Variants in DIAPH2 observed in about 807,000 individuals in gnomAD.
The protein encoded by DIAPH2 is diaphanous related formin 2.
A neutral mutation model predicts 92.7 loss-of-function variants in DIAPH2; 35 were observed. The ratio of observed to expected loss-of-function variants is 0.38; its 90% CI spans 0.29 to 0.50. The LOEUF is 0.50. Among genes scored for constraint, DIAPH2 ranks in the 20% least tolerant of loss-of-function variants. The pLI, the probability that DIAPH2 is intolerant of heterozygous loss-of-function variation, is 0.94. For synonymous variants in DIAPH2, 301 were observed against 280.4 expected (o/e 1.07, Z -0.73); for missense variants, 701 against 819.5 (o/e 0.86, Z 1.77).
At chrX:96,991,454 A>AAG (rs1179275947) in intron 17 of DIAPH2, among the ~76,000 whole-genome samples, 1 of 109,845 alleles carries the variant, frequency 9.1e-6, no homozygotes, top group East Asian at 2.9e-4. Context: ...AAATAAGGCA[A>AAG]AGAGAAATTA....
At chrX:96,893,763 G>C (rs1201719440) in intron 5 of DIAPH2, among the ~76,000 whole-genome samples, 2 of 112,298 alleles carry the variant, frequency 1.8e-5, no homozygotes, top group Non-Finnish European at 1.9e-5. Context: ...ACTTTTGATA[G>C]AAGTTGGATA....
At chrX:96,948,599 A>G (rs1330057885) in intron 14 of DIAPH2, among the ~76,000 whole-genome samples, 2 of 112,127 alleles carry the variant, frequency 1.8e-5, no homozygotes, top group African/African-American at 6.5e-5. Flanking sequence ...AAATATTTTT[A>G]AAATTATTAA....
intron 21 of DIAPH2, among the ~76,000 whole-genome samples, chrX:97,125,813 A>T (rs1325301644): frequency 8.9e-6 from 1 of 112,463 alleles, no homozygotes; most frequent in African/African-American, 3.2e-5. Context: ...ACAATAATAG[A>T]TACAGTTAAT....
chrX:96,794,317 A>G (rs947587881), intron 4 of DIAPH2, among the ~76,000 whole-genome samples: 4 of 111,406 alleles, frequency 3.6e-5, no homozygotes, highest in South Asian at 7.6e-4. Flanking sequence ...AGACCATAGT[A>G]GTATTCTTAG....
At chrX:96,836,717 ATTTTTTTTTTTT>A (rs1172979194) in intron 4 of DIAPH2, among the ~76,000 whole-genome samples, 1 of 18,903 alleles carries the variant, frequency 5.3e-5, no homozygotes, top group Admixed American at 9.6e-4. Flanking sequence ...ATATATATAT[ATTTTTTTTTTTT>A]TTTTTTTTTT....
At chrX:96,818,784 A>G (rs2064757617) in intron 4 of DIAPH2, among the ~76,000 whole-genome samples, 1 of 112,616 alleles carries the variant, frequency 8.9e-6, no homozygotes, top group African/African-American at 3.2e-5. Flanking sequence ...CTTAAAAAAA[A>G]TCTGTTGCTG....
intron 23 of DIAPH2, among the ~76,000 whole-genome samples, chrX:97,251,781 A>G (rs1293924959): frequency 1.8e-5 from 2 of 111,092 alleles, no homozygotes; most frequent in Admixed American, 9.6e-5. Context: ...CCTAGGTTTT[A>G]TGGCTTCTTT....
At chrX:97,206,326 A>C (rs1375504591) in intron 22 of DIAPH2, among the ~76,000 whole-genome samples, 2 of 112,032 alleles carry the variant, frequency 1.8e-5, no homozygotes, top group African/African-American at 3.2e-5. Flanking sequence ...TAAAAACAAA[A>C]ATAAAAAAAA....
chrX:96,717,855 T>C (rs1393437731), intron 1 of DIAPH2, among the ~76,000 whole-genome samples: 3 of 78,386 alleles, frequency 3.8e-5, no homozygotes, highest in East Asian at 8.5e-4. Context: ...TATATATATA[T>C]ATATTCACAT....
intron 22 of DIAPH2, among the ~76,000 whole-genome samples, chrX:97,244,372 C>A (rs1386538687): frequency 8.9e-6 from 1 of 112,009 alleles, no homozygotes; most frequent in African/African-American, 3.2e-5. Context: ...TCATCATCCC[C>A]TTTTTACTAG....
intron 16 of DIAPH2, among the ~76,000 whole-genome samples, chrX:96,960,514 A>G (rs2065840569): frequency 9.0e-6 from 1 of 111,004 alleles, no homozygotes; most frequent in Non-Finnish European, 1.9e-5. Flanking sequence ...GTGTTTAGGT[A>G]TCTCCAAATG....
At chrX:97,238,870 A>C (rs1275694364) in intron 22 of DIAPH2, among the ~76,000 whole-genome samples, 1 of 111,686 alleles carries the variant, frequency 9.0e-6, no homozygotes. Flanking sequence ...GAGTCACTTT[A>C]ATGGTATGCC....
intron 19 of DIAPH2, among the ~76,000 whole-genome samples, chrX:97,092,078 A>G (rs1164201318): frequency 3.6e-5 from 4 of 111,661 alleles, no homozygotes; most frequent in African/African-American, 6.5e-5. Flanking sequence ...AAAGCTCTAG[A>G]CCAGTAGAGT....
chrX:97,484,000 G>A (rs1185366432), intron 26 of DIAPH2, among the ~76,000 whole-genome samples: 1 of 111,287 alleles, frequency 9.0e-6, no homozygotes, highest in Non-Finnish European at 1.9e-5. Context: ...AGAATTACCT[G>A]GGAAACTTAC....
intron 22 of DIAPH2, among the ~76,000 whole-genome samples, chrX:97,204,167 A>C (rs780536124): frequency 1.7e-3 from 195 of 112,111 alleles, no homozygotes; most frequent in African/African-American, 6.2e-3. Flanking sequence ...TTGATTGAAC[A>C]TATCACAAAA....
At chrX:97,225,701 T>C (rs985847346) in intron 22 of DIAPH2, among the ~76,000 whole-genome samples, 12 of 111,766 alleles carry the variant, frequency 1.1e-4, no homozygotes, top group African/African-American at 3.6e-4. Flanking sequence ...ATTGAAATTT[T>C]TTTTCTCAAC....
At chrX:96,717,747 T>C (rs1056162779) in intron 1 of DIAPH2, among the ~76,000 whole-genome samples, 9 of 100,110 alleles carry the variant, frequency 9.0e-5, no homozygotes, top group African/African-American at 3.2e-4. Flanking sequence ...TTCATATTTC[T>C]TGTGCTGGGG....
At chrX:96,830,635 C>A (rs2147688366) in intron 4 of DIAPH2, among the ~76,000 whole-genome samples, 1 of 103,686 alleles carries the variant, frequency 9.6e-6, no homozygotes, top group Admixed American at 1.1e-4. Context: ...AGTGGCAGAG[C>A]CCCTGAAAAG....
intron 23 of DIAPH2, among the ~76,000 whole-genome samples, chrX:97,289,614 G>C (rs2068572976): frequency 9.0e-6 from 1 of 111,636 alleles, no homozygotes; most frequent in African/African-American, 3.3e-5. Flanking sequence ...ATCAGAATCT[G>C]AAAGTTGTAG....
Sources: allele counts gnomAD v4.1 joint callset (sites outside exome capture counted in the v4.1 genomes callset), GRCh38; gene constraint gnomAD v4.1.1; transcripts MANE v1.5; gene names NCBI Gene and HGNC (gene_info 2026-07-23, HGNC 2026-07-21).